ABHD2: variants seen among roughly 807,000 people sequenced by gnomAD.
ABHD2 encodes the protein abhydrolase domain containing 2, acylglycerol lipase.
Under a neutral mutation model 48.1 loss-of-function variants are expected in ABHD2, and 20 were observed. That is an observed-to-expected ratio of 0.42 (90% CI 0.29 to 0.60). The LOEUF (loss-of-function observed/expected upper bound fraction) is 0.60. Among genes scored for constraint, ABHD2 ranks in the 20% least tolerant of loss-of-function variants. The pLI, the probability that ABHD2 is intolerant of heterozygous loss-of-function variation, is 0.24. For missense variants in ABHD2, 405 were observed against 550.9 expected (o/e 0.74, Z 2.65); for synonymous variants, 209 against 214.2 (o/e 0.98, Z 0.21).
chr15:89,175,981 G>A lies in ABHD2; in HGVS notation c.708G>A (p.Gly236=), dbSNP rs756472065. The change falls in exon 6 of 11, where the codon GGG becomes GGA. Residue 236 remains glycine, a synonymous_variant. Coordinates refer to ENST00000352732, the MANE Select transcript of ABHD2 (RefSeq NM_152924.5). The surrounding 1 kb of genome is among the most constrained non-coding windows in gnomAD (Gnocchi z 5.7). ...TGTGCTGCGTCAGCGTGTGCCAGGGGTACAGTGCACTGAGGTGAGTCATCT... is the reference window on the plus strand; with the variant it reads ...TGTGCTGCGTCAGCGTGTGCCAGGGATACAGTGCACTGAGGTGAGTCATCT... ...KVLCCVSVCQ[G]YSALRAQETF... The A allele has an allele frequency of 5.2e-5, 83 of 1,609,970 alleles. No individual in the cohort carries two copies. The highest frequency in any genetic ancestry group is 6.2e-5 in the Non-Finnish European group (73 of 1,177,966).
At chr15:89,043,677 AAGG>A in the ABHD2 span, among the ~76,000 whole-genome samples, 13 of 100,216 alleles carry the variant, frequency 1.3e-4, no homozygotes, top group African/African-American at 5.0e-4. Flanking sequence ...GGAGGAGGAG[AAGG>A]AGGAGGGGGA....
At chr15:89,105,240 A>G (rs1374518117) in intron 1 of ABHD2, among the ~76,000 whole-genome samples, 3 of 152,244 alleles carry the variant, frequency 2.0e-5, no homozygotes, top group East Asian at 1.9e-4. Flanking sequence ...GGCACGTAAA[A>G]GTGCCCGATT....
intron 5 of ABHD2, among the ~76,000 whole-genome samples, chr15:89,158,484 G>A (rs1474715030): frequency 6.6e-6 from 1 of 152,200 alleles, no homozygotes; most frequent in Non-Finnish European, 1.5e-5. Context: ...TAGGTTAAGT[G>A]CAGGCCTTGC....
chr15:89,111,150 C>T (rs919929341), intron 1 of ABHD2, among the ~76,000 whole-genome samples: 7 of 152,262 alleles, frequency 4.6e-5, no homozygotes, highest in Non-Finnish European at 1.0e-4. Flanking sequence ...TGTTGACATA[C>T]ATATTTTCCT....
In ABHD2 at chr15:89,170,080, C is replaced by CTTTTTTTTTT. The variant is rs748983183; in HGVS notation, c.539-5708_539-5699dup. Among the ~76,000 whole-genome samples, 126 of 37,506 alleles carry CTTTTTTTTTT rather than the reference C, an allele frequency of 3.4e-3. 46 individuals are homozygous for CTTTTTTTTTT. The highest frequency in any genetic ancestry group is 0.01 in the East Asian group (10 of 954). The allele number at this position is 37,506 out of a possible 152,430, so 24.6% of individuals were successfully genotyped here. A position where few individuals can be genotyped will look rare whatever the true frequency, so the allele number is the denominator to read the frequency against. ...GAGCCATTCCATGTCAGATCAGATT[C>CTTTTTTTTTT]TTTTTTTTTTTTTTTTTTTTTTTTT... On this transcript the variant is annotated intron_variant, in intron 5 of 10. Coordinates refer to ENST00000352732, the MANE Select transcript of ABHD2 (RefSeq NM_152924.5).
In ABHD2 at chr15:89,167,267, T is replaced by G. The variant is rs537703084; in HGVS notation, c.539-8545T>G. On this transcript the variant is annotated intron_variant, in intron 5 of 10. Transcript: ENST00000352732. The surrounding 1 kb of genome is among the most constrained non-coding windows in gnomAD (Gnocchi z 5.5). ...CATTGGTGTAGACTCAATTTTGAAT[T>G]GTATTCATAGTTATGAATTGTGTTG... Among the ~76,000 whole-genome samples, 5 of 152,298 alleles carry G rather than the reference T, an allele frequency of 3.3e-5. No individual in the cohort carries two copies. The highest frequency in any genetic ancestry group is 1.2e-4 in the African/African-American group (5 of 41,558).
At position 89,155,707 on chromosome 15, in the gene ABHD2, C is replaced by G. The variant is rs2050662171; in HGVS notation, c.538+173C>G. On this transcript the variant is annotated intron_variant, in intron 5 of 10. Coordinates refer to ENST00000352732, the MANE Select transcript of ABHD2 (RefSeq NM_152924.5). This position sits in a 1 kb window ranked among gnomAD's most constrained non-coding sequence, Gnocchi z 4.9. ...ACTGGGCATTGATGATGCCATGCCT[C>G]ACACCAGCCTTTGAGATGGGCACTA... Among the ~76,000 whole-genome samples the G allele has an allele frequency of 1.3e-5, 2 of 152,174 alleles. No homozygotes were observed. Among genetic ancestry groups the G allele is most frequent in the African/African-American group, 4.8e-5 (2 of 41,450 alleles).
At chr15:89,042,498 C>G in the ABHD2 span, among the ~76,000 whole-genome samples, 1 of 152,136 alleles carries the variant, frequency 6.6e-6, no homozygotes, top group Non-Finnish European at 1.5e-5. Flanking sequence ...GTGCCACCTC[C>G]TCCATGAAGA....
the ABHD2 span, among the ~76,000 whole-genome samples, chr15:89,053,612 G>T: frequency 6.6e-6 from 1 of 152,200 alleles, no homozygotes; most frequent in African/African-American, 2.4e-5. Context: ...GGACACAGGA[G>T]GCACTAAGCA....
intron 1 of ABHD2, among the ~76,000 whole-genome samples, chr15:89,112,435 G>A (rs2049890118): frequency 6.6e-6 from 1 of 152,168 alleles, no homozygotes; most frequent in South Asian, 2.1e-4. Flanking sequence ...CCAAGCCTGT[G>A]GGGTCAGGTG....
rs188654743 is a variant in ABHD2 at position 89,160,053 on chromosome 15, G to A, written c.538+4519G>A. On this transcript the variant is annotated intron_variant, in intron 5 of 10. Transcript: ENST00000352732. ...AAATGTAAAAATTAAAACATCTTTC[G>A]TAGCTTCAAAGAGCCTAGAGAGAGA... Among the ~76,000 whole-genome samples, 535 of 152,270 alleles carry A rather than the reference G, an allele frequency of 3.5e-3. 1 individual carries two copies. The highest frequency in any genetic ancestry group is 0.014 in the Middle Eastern group (4 of 294).
intron 3 of ABHD2, among the ~76,000 whole-genome samples, chr15:89,125,917 G>A (rs899007497): frequency 1.3e-5 from 2 of 152,066 alleles, no homozygotes; most frequent in Non-Finnish European, 2.9e-5. Context: ...CCTTCTTATA[G>A]GAATTGCCGA....
the ABHD2 span, among the ~76,000 whole-genome samples, chr15:89,052,822 G>C: frequency 6.6e-6 from 1 of 152,064 alleles, no homozygotes; most frequent in Non-Finnish European, 1.5e-5. Flanking sequence ...TCCTCATGGC[G>C]CCCCTTCCCT....
the ABHD2 span, among the ~76,000 whole-genome samples, chr15:89,046,616 T>C: frequency 3.9e-5 from 6 of 152,106 alleles, no homozygotes; most frequent in African/African-American, 1.4e-4. Flanking sequence ...TCTTCCTGGT[T>C]TAGTCTTGGG....
chr15:89,193,087 C>T (rs894608696), intron 9 of ABHD2, 148 bp from the exon 10 acceptor site: 2 of 671,948 alleles, frequency 3.0e-6, no homozygotes, highest in South Asian at 1.8e-5. Flanking sequence ...GAATACAAGG[C>T]GTCCTTCCTG....
intron 3 of ABHD2, among the ~76,000 whole-genome samples, chr15:89,118,903 C>T (rs2050004260): frequency 6.6e-6 from 1 of 152,212 alleles, no homozygotes; most frequent in South Asian, 2.1e-4. Flanking sequence ...CTTGATGAGT[C>T]TAAGGTGTGA....
the ABHD2 span, among the ~76,000 whole-genome samples, chr15:89,068,924 A>G: frequency 6.7e-6 from 1 of 150,256 alleles, no homozygotes; most frequent in African/African-American, 2.4e-5. Context: ...GCATGCCACC[A>G]CACCCTGCTA....
rs542510204 is a variant in ABHD2 at position 89,167,663 on chromosome 15, G to T, written c.539-8149G>T. 8.3e-4 allele frequency among the ~76,000 whole-genome samples: 127 copies of T among 152,272 alleles called. No individual in the cohort carries two copies. The highest frequency in any genetic ancestry group is 3.0e-3 in the African/African-American group (123 of 41,562). On this transcript the variant is annotated intron_variant, in intron 5 of 10. Transcript: ENST00000352732. This position sits in a 1 kb window ranked among gnomAD's most constrained non-coding sequence, Gnocchi z 5.5. ...TCCTTATTTCAGAGATAAGGGCAAGGCCAACTAATTTGATAGCACAAAGGG... is the reference window on the plus strand; with the variant it reads ...TCCTTATTTCAGAGATAAGGGCAAGTCCAACTAATTTGATAGCACAAAGGG...
chr15:89,193,382 C>A (rs1157371720), intron 10 of ABHD2, 63 bp downstream of exon 10: 34 of 1,329,752 alleles, frequency 2.6e-5, no homozygotes, highest in Admixed American at 1.7e-5. Flanking sequence ...AATTCTGTCA[C>A]CTTCACCATG....
Sources: allele counts gnomAD v4.1 joint callset (sites outside exome capture counted in the v4.1 genomes callset), GRCh38; gene constraint gnomAD v4.1.1; non-coding constraint Gnocchi (gnomAD v3.1); transcripts MANE v1.5; gene names NCBI Gene and HGNC (gene_info 2026-07-23, HGNC 2026-07-21).